The following NF2 variants were observed in gnomAD, a reference collection of about 807,000 sequenced individuals.
NF2 encodes the protein NF2, moesin-ezrin-radixin like (MERLIN) tumor suppressor.
In NF2, 8 loss-of-function variants were observed where a neutral mutation model predicts 83.7. That is an observed-to-expected ratio of 0.10 (90% CI 0.06 to 0.17). The LOEUF (loss-of-function observed/expected upper bound fraction) is 0.17. NF2 is among the 10% of genes least tolerant of loss of function. NF2 has a pLI of 1.00. For missense variants in NF2, 533 were observed against 744.4 expected, an observed-to-expected ratio of 0.72 and a Z score of 3.31; for synonymous variants, 266 against 269.6, an observed-to-expected ratio of 0.99 and a Z score of 0.13.
chr22:29,626,022 C>T (rs1464409437), intron 1 of NF2, among the ~76,000 whole-genome samples: 2 of 152,150 alleles, frequency 1.3e-5, no homozygotes, highest in African/African-American at 2.4e-5. Flanking sequence ...AAATGTATCT[C>T]GACTGATCTG....
chr22:29,613,676 A>G (rs1205587787), intron 1 of NF2, among the ~76,000 whole-genome samples: 1 of 152,070 alleles, frequency 6.6e-6, no homozygotes, highest in African/African-American at 2.4e-5. Flanking sequence ...GGGTGCAAAG[A>G]CCATTCAGTG....
Position 29,636,897 on chromosome 22 carries a change from A to C in NF2, c.240+21A>C. 1 of 1,613,838 alleles carries C rather than the reference A, an allele frequency of 6.2e-7. No homozygotes were observed. Among genetic ancestry groups the C allele is most frequent in the Non-Finnish European group, 8.5e-7 (1 of 1,180,016 alleles). On this transcript the variant is annotated intron_variant, in intron 2 of 15. Coordinates refer to ENST00000338641, the MANE Select transcript of NF2 (RefSeq NM_000268.4). The surrounding 1 kb of genome is among the most constrained non-coding windows in gnomAD (Gnocchi z 4.4). ...AGAAGGTTGGGCTAGAACTCGATGA[A>C]ACTGGTGGGGCTGACGTGAGCTTTC...
Position 29,698,025 on chromosome 22 carries a change from G to T in NF2, c.*3223G>T, listed in dbSNP as rs1002013255. On this transcript the variant is annotated 3_prime_UTR_variant, in exon 16 of 16. Transcript: ENST00000338641. ...CCACAGCACCGGGACCATTCATGAG[G>T]TCACTGCCCAGCTCATGATGTCCGT... The T allele has an allele frequency of 1.3e-5, 3 of 227,790 alleles. No homozygotes were observed. Among genetic ancestry groups the T allele is most frequent in the Non-Finnish European group, 2.6e-5 (3 of 114,540 alleles). 14.1% of individuals were successfully genotyped at this position (227,790 alleles called of 1,614,324 possible). A position where few individuals can be genotyped will look rare whatever the true frequency, so the allele number is the denominator to read the frequency against.
rs1268927936 is a variant in NF2 at position 29,697,017 on chromosome 22, A to C, written c.*2215A>C. 1 of 185,172 alleles carries C rather than the reference A, an allele frequency of 5.4e-6. No individual in the cohort carries two copies. Among genetic ancestry groups the C allele is most frequent in the African/African-American group, 2.4e-5 (1 of 42,480 alleles). 11.5% of individuals were successfully genotyped at this position (185,172 alleles called of 1,614,324 possible). A position where few individuals can be genotyped will look rare whatever the true frequency, so the allele number is the denominator to read the frequency against. ...TTTTTAGTAGAGATGGGGTTTCGCCATGTTAGCCAGACTGGTCTCGAACTC... is the reference window on the plus strand; with the variant it reads ...TTTTTAGTAGAGATGGGGTTTCGCCCTGTTAGCCAGACTGGTCTCGAACTC... On this transcript the variant is annotated 3_prime_UTR_variant, in exon 16 of 16. Coordinates refer to ENST00000338641, the MANE Select transcript of NF2 (RefSeq NM_000268.4).
chr22:29,614,872 A>T (rs1006474067), intron 1 of NF2, among the ~76,000 whole-genome samples: 1 of 151,872 alleles, frequency 6.6e-6, no homozygotes, highest in Non-Finnish European at 1.5e-5. Context: ...ACATGGTGAA[A>T]CCCTGTCTAT....
At position 29,634,776 on chromosome 22, in the gene NF2, A is replaced by T. The variant is rs12157558; in HGVS notation, c.115-1975A>T. Among the ~76,000 whole-genome samples, 1,441 of 152,298 alleles carry T rather than the reference A, an allele frequency of 9.5e-3. 23 individuals are homozygous for T. Among genetic ancestry groups the T allele is most frequent in the African/African-American group, 0.033 (1,377 of 41,556 alleles). Reference sequence around the variant, plus strand: ...TAGTTTTCCAAAATAACATTTCTTCAGTGAAGTCTGCCTGTAGGAATTAAA... The same window carrying T: ...TAGTTTTCCAAAATAACATTTCTTCTGTGAAGTCTGCCTGTAGGAATTAAA... On this transcript the variant is annotated intron_variant, in intron 1 of 15. Transcript: ENST00000338641.
At chr22:29,672,057 C>T (rs2147075761) in intron 11 of NF2, 109 bp downstream of exon 11, 2 of 1,495,710 alleles carry the variant, frequency 1.3e-6, no homozygotes, top group Non-Finnish European at 1.8e-6. Context: ...CTTTGAAATA[C>T]TTAATTTCAG....
At chr22:29,655,764 TG>T in intron 6 of NF2, 88 bp downstream of exon 6, 1 of 1,066,736 alleles carries the variant, frequency 9.4e-7, no homozygotes, top group South Asian at 1.4e-5. Context: ...AGGACATGCT[TG>T]TTAAACAAAA....
intron 4 of NF2, 107 bp downstream of exon 4, chr22:29,642,392 C>A: frequency 1.1e-6 from 1 of 880,042 alleles, no homozygotes; most frequent in East Asian, 2.5e-5. Context: ...AGAGACTTGC[C>A]CCAGAAAGTG....
At chr22:29,645,090 T>C (rs1257972562) in intron 4 of NF2, among the ~76,000 whole-genome samples, 1 of 152,212 alleles carries the variant, frequency 6.6e-6, no homozygotes, top group East Asian at 1.9e-4. Context: ...TAACTCACTT[T>C]TTGGGGTAGA....
chr22:29,676,172 TA>T (rs983163662), intron 13 of NF2, among the ~76,000 whole-genome samples: 98 of 151,848 alleles, frequency 6.5e-4, no homozygotes, highest in African/African-American at 1.7e-3. Context: ...TTTTATTTAT[TA>T]TTTTTTTTTT....
At chr22:29,666,386 A>G (rs2857646) in intron 9 of NF2, among the ~76,000 whole-genome samples, 93,396 of 151,636 alleles carry the variant, frequency 0.62, 29,148 homozygotes, top group East Asian at 0.8. Context: ...TGATCTGCCC[A>G]CCTTGGCCTC....
chr22:29,615,177 C>G (rs1368266824), intron 1 of NF2, among the ~76,000 whole-genome samples: 8 of 152,146 alleles, frequency 5.3e-5, no homozygotes, highest in African/African-American at 1.4e-4. Flanking sequence ...AAGCAAGACT[C>G]TGTCTGGAAA....
At chr22:29,677,067 C>T (rs1489800986) in intron 13 of NF2, among the ~76,000 whole-genome samples, 1 of 128,510 alleles carries the variant, frequency 7.8e-6, no homozygotes, top group African/African-American at 2.6e-5. Flanking sequence ...CAAGCCTCTG[C>T]TCTTTCCCAG....
At chr22:29,619,056 CT>C (rs969378676) in intron 1 of NF2, among the ~76,000 whole-genome samples, 45 of 146,780 alleles carry the variant, frequency 3.1e-4, no homozygotes, top group Non-Finnish European at 3.8e-4. Flanking sequence ...TGTTATCTAC[CT>C]TTTTTTTTTT....
At chr22:29,692,395 C>A (rs2067430861) in intron 15 of NF2, among the ~76,000 whole-genome samples, 1 of 152,176 alleles carries the variant, frequency 6.6e-6, no homozygotes, top group Non-Finnish European at 1.5e-5. Flanking sequence ...CAGGAAGCAC[C>A]CCACCCACCC....
In NF2 at chr22:29,697,822, T is replaced by C. The variant is rs1287958607; in HGVS notation, c.*3020T>C. ...CTCAGGTGATCTGCCCACCTCGGCC[T>C]CCCAAAGTGCTGGGATTACAGGCAT... On this transcript the variant is annotated 3_prime_UTR_variant, in exon 16 of 16. Coordinates refer to ENST00000338641, the MANE Select transcript of NF2 (RefSeq NM_000268.4). 5.4e-6 allele frequency: 1 copy of C among 183,922 alleles called. No homozygotes were observed. The highest frequency in any genetic ancestry group is 1.2e-5 in the Non-Finnish European group (1 of 86,664). 11.4% of individuals were successfully genotyped at this position (183,922 alleles called of 1,614,324 possible). A position where few individuals can be genotyped will look rare whatever the true frequency, so the allele number is the denominator to read the frequency against.
At chr22:29,644,989 A>G (rs142649715) in intron 4 of NF2, among the ~76,000 whole-genome samples, 24 of 152,274 alleles carry the variant, frequency 1.6e-4, no homozygotes, top group African/African-American at 5.8e-4. Context: ...GTGTGATTTT[A>G]AAACATAATC....
chr22:29,637,136 T>C (rs535554064), intron 2 of NF2, among the ~76,000 whole-genome samples: 1 of 152,374 alleles, frequency 6.6e-6, no homozygotes, highest in African/African-American at 2.4e-5. Context: ...ACCAGCCTGA[T>C]TGCTTCTGGC....
Sources: gnomAD v4.1 joint callset for allele counts (sites outside exome capture counted in the v4.1 genomes callset) on GRCh38, gnomAD v4.1.1 for gene constraint, Gnocchi (gnomAD v3.1) non-coding constraint, MANE v1.5 for transcripts, NCBI Gene and HGNC (gene_info 2026-07-23, HGNC 2026-07-21) for gene names.